Variants in ARK2C observed in about 807,000 individuals in gnomAD.
ARK2C encodes the protein arkadia (RNF111) C-terminal like ring finger ubiquitin ligase 2C.
chr18:46,439,880 G>T, the ARK2C span, among the ~76,000 whole-genome samples: 1 of 152,130 alleles, frequency 6.6e-6, no homozygotes, highest in Non-Finnish European at 1.5e-5. Flanking sequence ...CGCCAGGCTG[G>T]AATGAAGTGG....
At chr18:46,436,911 G>A in the ARK2C span, among the ~76,000 whole-genome samples, 1 of 152,318 alleles carries the variant, frequency 6.6e-6, no homozygotes, top group East Asian at 1.9e-4. Flanking sequence ...ATATGGCTGA[G>A]TGATTGGAAC....
the ARK2C span, among the ~76,000 whole-genome samples, chr18:46,421,116 G>A: frequency 1.3e-5 from 2 of 152,158 alleles, no homozygotes; most frequent in Non-Finnish European, 2.9e-5. Context: ...GACCACCTCC[G>A]TCCTGGGTCT....
At chr18:46,379,392 A>G in the ARK2C span, among the ~76,000 whole-genome samples, 5 of 152,214 alleles carry the variant, frequency 3.3e-5, no homozygotes, top group East Asian at 9.7e-4. Flanking sequence ...CAGGGCTCAT[A>G]TCTTATTCTT....
chr18:46,356,014 T>TC, the ARK2C span, among the ~76,000 whole-genome samples: 63 of 152,150 alleles, frequency 4.1e-4, no homozygotes, highest in African/African-American at 1.5e-3. Flanking sequence ...TTGGCAGCAT[T>TC]CCCGTGGCCC....
chr18:46,454,845 A>G, the ARK2C span, among the ~76,000 whole-genome samples: 3 of 152,328 alleles, frequency 2.0e-5, no homozygotes, highest in South Asian at 6.2e-4. Flanking sequence ...AGGTGGGCTG[A>G]TTTCGCTCAC....
chr18:46,390,772 A>G, the ARK2C span, among the ~76,000 whole-genome samples: 3 of 152,090 alleles, frequency 2.0e-5, no homozygotes, highest in Admixed American at 6.5e-5. Context: ...TTCCAGTTGC[A>G]CCACTTCTGA....
chr18:46,415,534 TA>T, the ARK2C span, among the ~76,000 whole-genome samples: 9 of 149,982 alleles, frequency 6.0e-5, no homozygotes, highest in African/African-American at 9.8e-5. Context: ...TCAAAAAAAA[TA>T]AAAAAAATAA....
the ARK2C span, among the ~76,000 whole-genome samples, chr18:46,405,265 A>G: frequency 6.6e-6 from 1 of 152,170 alleles, no homozygotes; most frequent in Non-Finnish European, 1.5e-5. Flanking sequence ...AGGGCTCCCC[A>G]GAAATAGTAG....
the ARK2C span, among the ~76,000 whole-genome samples, chr18:46,415,756 G>A: frequency 6.6e-6 from 1 of 152,082 alleles, no homozygotes. Context: ...GGAATAATGG[G>A]AATAATGCCC....
the ARK2C span, among the ~76,000 whole-genome samples, chr18:46,428,063 C>T: frequency 9.9e-5 from 15 of 152,172 alleles, no homozygotes; most frequent in African/African-American, 2.9e-4. Context: ...TGGACGGCTG[C>T]GGGAGGGCTT....
chr18:46,400,666 C>G, the ARK2C span, among the ~76,000 whole-genome samples: 2 of 152,148 alleles, frequency 1.3e-5, no homozygotes, highest in African/African-American at 4.8e-5. Context: ...GGTGTGTCAG[C>G]GTGCCTCTCA....
the ARK2C span, among the ~76,000 whole-genome samples, chr18:46,380,454 C>T: frequency 1.3e-5 from 2 of 152,216 alleles, no homozygotes; most frequent in African/African-American, 4.8e-5. Context: ...AAGAACAAAG[C>T]AGGAATAGTT....
the ARK2C span, among the ~76,000 whole-genome samples, chr18:46,431,500 C>A: frequency 6.6e-6 from 1 of 152,132 alleles, no homozygotes; most frequent in African/African-American, 2.4e-5. Context: ...AGAGAAGCAT[C>A]CCCCAGTTTC....
chr18:46,393,682 C>T, the ARK2C span, among the ~76,000 whole-genome samples: 2 of 152,240 alleles, frequency 1.3e-5, no homozygotes, highest in African/African-American at 4.8e-5. Flanking sequence ...CTGAAACCTT[C>T]CACCCAGGGA....
the ARK2C span, among the ~76,000 whole-genome samples, chr18:46,382,238 T>C: frequency 6.6e-4 from 101 of 152,186 alleles, no homozygotes; most frequent in African/African-American, 2.4e-3. Flanking sequence ...ACAGGTCCCA[T>C]GGAGGCAGGG....
the ARK2C span, among the ~76,000 whole-genome samples, chr18:46,405,709 G>A: frequency 6.6e-6 from 1 of 152,108 alleles, no homozygotes; most frequent in Non-Finnish European, 1.5e-5. Flanking sequence ...GATGGTTTGA[G>A]TCTGATGTGT....
the ARK2C span, among the ~76,000 whole-genome samples, chr18:46,369,105 G>A: frequency 1.5e-4 from 23 of 152,194 alleles, no homozygotes; most frequent in Admixed American, 2.6e-4. Context: ...ATAAATGGTA[G>A]GCCAGGATTT....
chr18:46,450,665 A>G, the ARK2C span: 1 of 1,503,306 alleles, frequency 6.7e-7, no homozygotes, highest in South Asian at 1.1e-5. Context: ...GGGCATTTAT[A>G]CATGCTGAGC....
the ARK2C span, among the ~76,000 whole-genome samples, chr18:46,450,977 G>A: frequency 6.6e-6 from 1 of 152,058 alleles, no homozygotes; most frequent in African/African-American, 2.4e-5. Context: ...TCTGTGCCAG[G>A]TGTGGCCAGG....
Sources: gnomAD v4.1 joint callset for allele counts (sites outside exome capture counted in the v4.1 genomes callset) on GRCh38, gnomAD v4.1.1 for gene constraint, MANE v1.5 for transcripts, NCBI Gene and HGNC (gene_info 2026-07-23, HGNC 2026-07-21) for gene names.